The following IL1RAPL1 variants were observed in gnomAD, a reference collection of about 807,000 sequenced individuals.
The protein encoded by IL1RAPL1 is interleukin 1 receptor accessory protein like 1, also known as interleukin-1 receptor accessory protein-like 1.
In IL1RAPL1, 3 loss-of-function variants were observed where a neutral mutation model predicts 48.4. The ratio of observed to expected loss-of-function variants is 0.06; its 90% confidence interval spans 0.03 to 0.16. The LOEUF (loss-of-function observed/expected upper bound fraction) is 0.16. Ranked by LOEUF, IL1RAPL1 falls within the 10% of genes least tolerant of loss-of-function variation. IL1RAPL1 has a pLI of 1.00. For synonymous variants in IL1RAPL1, 185 were observed against 187.7 expected, an observed-to-expected ratio of 0.99 and a Z score of 0.12; for missense variants, 349 against 530.6, an observed-to-expected ratio of 0.66 and a Z score of 3.36.
intron 2 of IL1RAPL1, among the ~76,000 whole-genome samples, chrX:28,792,787 C>CAA (rs1189410830): frequency 3.1e-4 from 3 of 9,723 alleles, no homozygotes; most frequent in Admixed American, 2.5e-3. Context: ...GACTCCATCT[C>CAA]AAAAAAAAAA....
At chrX:28,612,231 T>C (rs768310345) in intron 1 of IL1RAPL1, among the ~76,000 whole-genome samples, 6 of 111,824 alleles carry the variant, frequency 5.4e-5, no homozygotes, top group Non-Finnish European at 1.1e-4. Flanking sequence ...ACCCTACTTA[T>C]ATGTAAGTTC....
At chrX:28,606,494 G>A (rs1332603034) in intron 1 of IL1RAPL1, among the ~76,000 whole-genome samples, 1 of 111,898 alleles carries the variant, frequency 8.9e-6, no homozygotes, top group Non-Finnish European at 1.9e-5. Context: ...ATTGTTTCAT[G>A]CTCATCTAGT....
chrX:29,506,432 T>TCTCCCCCTCCTCCTCCTCCTC lies in IL1RAPL1; in HGVS notation c.703+107128_703+107129insCCCTCCTCCTCCTCCTCCTCC, dbSNP rs1556025722. ...GATTTTCTCTTCTTCTTCTTCTCCTTCTCCTTCTCCTCCTCCTCCTCCTCC... is the reference window on the plus strand; with the variant it reads ...GATTTTCTCTTCTTCTTCTTCTCCTTCTCCCCCTCCTCCTCCTCCTCCTCCTTCTCCTCCTCCTCCTCCTCC... On this transcript the variant is annotated intron_variant, in intron 5 of 10. Transcript: ENST00000378993. Among the ~76,000 whole-genome samples the TCTCCCCCTCCTCCTCCTCCTC allele has an allele frequency of 2.2e-3, 47 of 21,543 alleles. 1 individual carries two copies. Among genetic ancestry groups the TCTCCCCCTCCTCCTCCTCCTC allele is most frequent in the African/African-American group, 7.0e-3 (43 of 6,110 alleles). The allele number at this position is 21,543 out of a possible 115,157, so 18.7% of individuals were successfully genotyped here. A position where few individuals can be genotyped will look rare whatever the true frequency, so the allele number is the denominator to read the frequency against.
intron 2 of IL1RAPL1, among the ~76,000 whole-genome samples, chrX:28,798,225 G>A: frequency 9.0e-6 from 1 of 111,544 alleles, no homozygotes; most frequent in South Asian, 3.8e-4. Flanking sequence ...TTCACTGCTA[G>A]GACCAGAGGA....
At chrX:29,747,680 G>A (rs1381692462) in intron 6 of IL1RAPL1, among the ~76,000 whole-genome samples, 1 of 112,397 alleles carries the variant, frequency 8.9e-6, no homozygotes, top group African/African-American at 3.2e-5. Context: ...GAAATGCTTT[G>A]GTCTTCCAAA....
intron 6 of IL1RAPL1, among the ~76,000 whole-genome samples, chrX:29,703,874 CTT>C (rs1307224502): frequency 9.0e-6 from 1 of 111,449 alleles, no homozygotes; most frequent in Non-Finnish European, 1.9e-5. Flanking sequence ...CAGAAATACT[CTT>C]AATATCAGAC....
intron 2 of IL1RAPL1, among the ~76,000 whole-genome samples, chrX:28,981,047 TG>T (rs1925319390): frequency 2.4e-5 from 2 of 84,293 alleles, no homozygotes; most frequent in Non-Finnish European, 2.1e-5. Flanking sequence ...ACTATGGTTG[TG>T]CCACTGCACT....
At chrX:28,603,323 G>A (rs1040531203) in intron 1 of IL1RAPL1, among the ~76,000 whole-genome samples, 1 of 111,554 alleles carries the variant, frequency 9.0e-6, no homozygotes, top group African/African-American at 3.3e-5. Flanking sequence ...AATACTGTGA[G>A]GTAAATGAAT....
In IL1RAPL1 at chrX:29,514,491, A is replaced by G. The variant is rs192513030; in HGVS notation, c.703+115183A>G. On this transcript the variant is annotated intron_variant, in intron 5 of 10. Coordinates refer to ENST00000378993, the MANE Select transcript of IL1RAPL1 (RefSeq NM_014271.4). ...TGAGACAGAGTTTCACCCTGTCGCCAAGGCTGGAGTGCAGTGGCACTATCT... is the reference window on the plus strand; with the variant it reads ...TGAGACAGAGTTTCACCCTGTCGCCGAGGCTGGAGTGCAGTGGCACTATCT... Among the ~76,000 whole-genome samples the G allele has an allele frequency of 1.1e-3, 120 of 112,738 alleles. 1 individual carries two copies. The highest frequency in any genetic ancestry group is 3.5e-3 in the African/African-American group (110 of 31,063).
chrX:29,480,074 A>G (rs1262093278), intron 5 of IL1RAPL1, among the ~76,000 whole-genome samples: 2 of 107,694 alleles, frequency 1.9e-5, no homozygotes, highest in African/African-American at 6.8e-5. Context: ...CAACAACTTC[A>G]CAGAAATCAA....
chrX:28,960,776 A>G (rs1325568538), intron 2 of IL1RAPL1, among the ~76,000 whole-genome samples: 3 of 111,023 alleles, frequency 2.7e-5, no homozygotes, highest in Non-Finnish European at 5.7e-5. Context: ...TGGGAGGCCA[A>G]GATGGGCGGA....
intron 2 of IL1RAPL1, among the ~76,000 whole-genome samples, chrX:28,892,632 G>A (rs1922802172): frequency 9.1e-6 from 1 of 110,400 alleles, no homozygotes; most frequent in African/African-American, 3.3e-5. Flanking sequence ...AAGTGTTGGG[G>A]CGGCGAAAAT....
chrX:29,082,026 A>G (rs1927854413), intron 2 of IL1RAPL1, among the ~76,000 whole-genome samples: 1 of 111,616 alleles, frequency 9.0e-6, no homozygotes, highest in South Asian at 3.8e-4. Context: ...TATCTTATAG[A>G]GAAACTCCCA....
chrX:29,185,264 C>A (rs751693106), intron 2 of IL1RAPL1, among the ~76,000 whole-genome samples: 9 of 112,297 alleles, frequency 8.0e-5, no homozygotes, highest in Admixed American at 2.8e-4. Context: ...TTAACACTTT[C>A]TTCTTAAATA....
intron 5 of IL1RAPL1, among the ~76,000 whole-genome samples, chrX:29,509,678 C>G (rs1053847555): frequency 1.9e-5 from 2 of 106,992 alleles, no homozygotes; most frequent in African/African-American, 7.6e-5. Context: ...CACACGCATG[C>G]GCCCACACGC....
At chrX:28,891,444 A>T (rs994467657) in intron 2 of IL1RAPL1, among the ~76,000 whole-genome samples, 1 of 111,855 alleles carries the variant, frequency 8.9e-6, no homozygotes, top group African/African-American at 3.2e-5. Context: ...TTACTCCATT[A>T]ACAGTCAATC....
intron 5 of IL1RAPL1, among the ~76,000 whole-genome samples, chrX:29,452,213 A>G (rs1934687721): frequency 8.9e-6 from 1 of 112,215 alleles, no homozygotes; most frequent in South Asian, 3.6e-4. Context: ...CAGTATATGC[A>G]TACAATTTGC....
chrX:29,277,244 T>TG (rs749756679), intron 2 of IL1RAPL1, among the ~76,000 whole-genome samples: 1 of 112,221 alleles, frequency 8.9e-6, no homozygotes, highest in South Asian at 3.7e-4. Context: ...TTTCTGCTCC[T>TG]GTTCAGTGTG....
chrX:29,428,874 A>G (rs1487468480), intron 5 of IL1RAPL1, among the ~76,000 whole-genome samples: 1 of 111,512 alleles, frequency 9.0e-6, no homozygotes, highest in Non-Finnish European at 1.9e-5. Flanking sequence ...CCTTACCATC[A>G]TCTGTCTCCA....
Sources: gnomAD v4.1 joint callset for allele counts (sites outside exome capture counted in the v4.1 genomes callset) on GRCh38, gnomAD v4.1.1 for gene constraint, MANE v1.5 for transcripts, NCBI Gene and HGNC (gene_info 2026-07-23, HGNC 2026-07-21) for gene names.